The following UBAP2L variants were observed in gnomAD, a reference collection of about 807,000 sequenced individuals.
The protein encoded by UBAP2L is ubiquitin-associated protein 2-like.
A neutral mutation model predicts 130.6 loss-of-function variants in UBAP2L; 12 were observed. The observed-to-expected ratio is 0.09, with a 90% CI of 0.06 to 0.15. The LOEUF is 0.15. UBAP2L is among the 10% of genes least tolerant of loss of function. The pLI, the probability that UBAP2L is intolerant of heterozygous loss-of-function variation, is 1.00. For missense variants in UBAP2L, 965 were observed against 1,332.5 expected (o/e 0.72, Z 4.29); for synonymous variants, 503 against 524.7 (o/e 0.96, Z 0.57).
At chr1:154,220,612 C>A, upstream of UBAP2L, 1 of 602,742 alleles carries the variant, frequency 1.7e-6, no homozygotes. Flanking sequence ...CCAGCTTCCC[C>A]CTGACACGTG....
chr1:154,220,352 T>C, upstream of UBAP2L: 4 of 1,614,192 alleles, frequency 2.5e-6, no homozygotes, highest in Middle Eastern at 1.7e-4. Context: ...CAGGCTCCCG[T>C]AGGCCATCAC....
intron 2 of UBAP2L, among the ~76,000 whole-genome samples, chr1:154,226,993 T>C (rs1668161620): frequency 6.6e-6 from 1 of 152,174 alleles, no homozygotes; most frequent in African/African-American, 2.4e-5. Context: ...CGGCTAATTT[T>C]TGTATTTTTA....
intron 15 of UBAP2L, 109 bp downstream of exon 15, chr1:154,254,198 T>A: frequency 9.4e-7 from 1 of 1,062,804 alleles, no homozygotes; most frequent in Non-Finnish European, 1.3e-6. Context: ...ACTTTGGAAG[T>A]AGTGATTGAG....
At chr1:154,267,880 C>CTTTTTTTTTGTTTTTTTTTTTTTTT (rs1683770848) in intron 25 of UBAP2L, among the ~76,000 whole-genome samples, 1 of 52,058 alleles carries the variant, frequency 1.9e-5, no homozygotes, top group African/African-American at 8.2e-5. Context: ...CTTATTTGGT[C>CTTTTTTTTTGTTTTTTTTTTTTTTT]TTTTTTTTTT....
chr1:154,270,733 C>T lies in UBAP2L; in HGVS notation c.*438C>T. The stretch of plus-strand genomic sequence containing the variant: ...AAAATGGCGTCATGAATATGAACAG[C>T]ATTGTCAGATGAATTAGTTGAAGTG... On this transcript the variant is annotated 3_prime_UTR_variant, in exon 27 of 27. Transcript: ENST00000428931. 2 of 1,415,588 alleles carry T rather than the reference C, an allele frequency of 1.4e-6. No individual in the cohort carries two copies. Among genetic ancestry groups the T allele is most frequent in the Middle Eastern group, 2.2e-4 (1 of 4,482 alleles). The allele number at this position is 1,415,588 out of a possible 1,614,324, so 87.7% of individuals were successfully genotyped here.
At chr1:154,237,978 A>G (rs1672230383) in intron 8 of UBAP2L, among the ~76,000 whole-genome samples, 1 of 152,168 alleles carries the variant, frequency 6.6e-6, no homozygotes, top group Admixed American at 6.5e-5. Flanking sequence ...GAGCTAACAC[A>G]TGAGAGCCTA....
chr1:154,224,768 G>A (rs527469031), intron 1 of UBAP2L, among the ~76,000 whole-genome samples: 1 of 152,242 alleles, frequency 6.6e-6, no homozygotes, highest in East Asian at 1.9e-4. Flanking sequence ...TCAGATACTT[G>A]CATCTATGTA....
At chr1:154,227,650 G>A (rs1056052159) in intron 3 of UBAP2L, among the ~76,000 whole-genome samples, 4 of 151,626 alleles carry the variant, frequency 2.6e-5, no homozygotes, top group Non-Finnish European at 5.9e-5. Context: ...GAGTTCAAGC[G>A]ATTCTCGTGC....
intron 11 of UBAP2L, among the ~76,000 whole-genome samples, chr1:154,246,668 A>G (rs909816316): frequency 2.0e-5 from 3 of 152,244 alleles, no homozygotes; most frequent in Non-Finnish European, 4.4e-5. Flanking sequence ...AATCAATGAC[A>G]TAAACTTGTC....
intron 11 of UBAP2L, among the ~76,000 whole-genome samples, chr1:154,246,701 G>C (rs6673752): frequency 0.1 from 15,603 of 152,184 alleles, 1,334 homozygotes; most frequent in East Asian, 0.44. Flanking sequence ...TCCTTTTGCA[G>C]CCCTCATTAA....
intron 4 of UBAP2L, among the ~76,000 whole-genome samples, chr1:154,234,082 T>C (rs1670827797): frequency 6.6e-6 from 1 of 151,992 alleles, no homozygotes; most frequent in Non-Finnish European, 1.5e-5. Context: ...CCCAGCACTT[T>C]GGGTGCAGTG....
At chr1:154,258,834 A>C in intron 20 of UBAP2L, 143 bp from the exon 21 acceptor site, 2 of 643,464 alleles carry the variant, frequency 3.1e-6, no homozygotes, top group Non-Finnish European at 5.4e-6. Context: ...TTTTTCCTTA[A>C]ATAAAATTGA....
In UBAP2L at chr1:154,259,938, T is replaced by C; in HGVS notation, c.2497-10T>C. On this transcript the variant is annotated splice_polypyrimidine_tract_variant and intron_variant, in intron 21 of 26. Transcript: ENST00000428931. ...ATTGAATCTCTGCTCTTTTTTCCCCTCTTTTCTAGGATTACTACAGCATCC... is the reference window on the plus strand; with the variant it reads ...ATTGAATCTCTGCTCTTTTTTCCCCCCTTTTCTAGGATTACTACAGCATCC... The C allele has an allele frequency of 6.2e-7, 1 of 1,613,734 alleles. No homozygotes were observed. The highest frequency in any genetic ancestry group is 1.1e-5 in the South Asian group (1 of 91,076).
chr1:154,248,583 G>A (rs1052331423), intron 11 of UBAP2L, among the ~76,000 whole-genome samples: 10 of 152,262 alleles, frequency 6.6e-5, no homozygotes, highest in East Asian at 3.9e-4. Context: ...TTGGGAGGCC[G>A]AGGCGGGTGG....
chr1:154,231,908 T>G (rs1669953020), intron 4 of UBAP2L, among the ~76,000 whole-genome samples: 1 of 152,230 alleles, frequency 6.6e-6, no homozygotes, highest in South Asian at 2.1e-4. Context: ...ACCATAATAC[T>G]ATTATCAATC....
intron 10 of UBAP2L, among the ~76,000 whole-genome samples, chr1:154,245,113 G>A (rs559333234): frequency 5.1e-4 from 77 of 152,214 alleles, no homozygotes; most frequent in African/African-American, 1.8e-3. Flanking sequence ...TGTATTTTTA[G>A]TAGGGTTTTA....
chr1:154,239,968 A>G (rs1672961764), intron 8 of UBAP2L, among the ~76,000 whole-genome samples: 1 of 152,246 alleles, frequency 6.6e-6, no homozygotes, highest in Non-Finnish European at 1.5e-5. Flanking sequence ...AAGTCTTTAC[A>G]ATGAATATAT....
rs201838253 is a variant in UBAP2L, at chr1:154,241,615, T to A, written c.756+50T>A. The A allele has an allele frequency of 2.5e-4, 400 of 1,602,848 alleles. 1 individual carries two copies. Among genetic ancestry groups the A allele is most frequent in the Admixed American group, 8.5e-4 (50 of 58,962 alleles). On this transcript the variant is annotated intron_variant, in intron 9 of 26. Coordinates refer to ENST00000428931, the MANE Select transcript of UBAP2L (RefSeq NM_014847.4). ...ACTAATGCCTTCTATCCCTAAGTGT[T>A]GTTTAGGGATAGAAAATGGGTATGT...
chr1:154,243,313 A>G lies in UBAP2L; in HGVS notation c.842+11A>G. 2 of 1,609,432 alleles carry G rather than the reference A, an allele frequency of 1.2e-6. No individual in the cohort carries two copies. The highest frequency in any genetic ancestry group is 1.7e-6 in the Non-Finnish European group (2 of 1,176,522). On this transcript the variant is annotated intron_variant, in intron 10 of 26. Transcript: ENST00000428931. ...CACTGCTGGTCAGAGGCAAGTGTGC[A>G]GTAAAATTTAGTACCATTTCTTAAA...
Sources: allele counts gnomAD v4.1 joint callset (sites outside exome capture counted in the v4.1 genomes callset), GRCh38; gene constraint gnomAD v4.1.1; transcripts MANE v1.5; gene names NCBI Gene and HGNC (gene_info 2026-07-23, HGNC 2026-07-21).